Variants in SLC12A3 observed in about 807,000 individuals in gnomAD.
SLC12A3 encodes Na-Cl cotransporter.
SLC12A3 carries 104 observed loss-of-function variants against 121.0 expected under a neutral mutation model. The observed-to-expected ratio is 0.86, with a 90% CI of 0.73 to 1.01. The LOEUF is 1.01. Ranked by LOEUF, SLC12A3 falls within the 50% of genes least tolerant of loss-of-function variation. The probability of loss-of-function intolerance (pLI) is 0.00; values close to 1 mark genes in which losing one functional copy is unlikely to be tolerated. For synonymous variants in SLC12A3, 536 were observed against 533.4 expected, an observed-to-expected ratio of 1.00 and a Z score of -0.07; for missense variants, 1,328 against 1,356.3, an observed-to-expected ratio of 0.98 and a Z score of 0.33.
At position 56,873,374 on chromosome 16, in the gene SLC12A3, C is replaced by CTTTTTTT. The variant is rs59478629; in HGVS notation, c.1095+611_1095+617dup. 1.5e-3 allele frequency among the ~76,000 whole-genome samples: 112 copies of CTTTTTTT among 75,368 alleles called. 3 individuals are homozygous for CTTTTTTT. Among genetic ancestry groups the CTTTTTTT allele is most frequent in the Non-Finnish European group, 1.6e-3 (65 of 41,092 alleles). The allele number at this position is 75,368 out of a possible 152,430, so 49.4% of individuals were successfully genotyped here. On this transcript the variant is annotated intron_variant, in intron 8 of 25. Coordinates refer to ENST00000563236, the MANE Select transcript of SLC12A3 (RefSeq NM_001126108.2). Reference sequence around the variant, plus strand: ...AAGTCTGTTCTGTTTCTCTTTCTTTCTTTTTTTTTTTTTTTTTTTTTTTTT... The same window carrying CTTTTTTT: ...AAGTCTGTTCTGTTTCTCTTTCTTTCTTTTTTTTTTTTTTTTTTTTTTTTTTTTTTTT...
rs144493396 is a variant in SLC12A3, at chr16:56,870,218, G to T, written c.724G>T (p.Val242Leu). The T allele has an allele frequency of 4.2e-5, 68 of 1,613,474 alleles. No individual in the cohort carries two copies. Among genetic ancestry groups the T allele is most frequent in the Middle Eastern group, 1.6e-4 (1 of 6,084 alleles). ...GCACACGGTGGGCTTTGCAGAGACC[G>T]TGCGGGACCTGCTCCAGGTGAGGCC... Reference protein sequence around the residue: ...AMHTVGFAETVRDLLQEYGAP... With the variant: ...AMHTVGFAETLRDLLQEYGAP... The change falls in exon 5 of 26, where the codon GTG becomes TTG. Residue 242 changes from valine (V) to leucine (L), a missense_variant. Val to Leu is a conservative substitution (Grantham distance 32, BLOSUM62 1). Coordinates refer to ENST00000563236, the MANE Select transcript of SLC12A3 (RefSeq NM_001126108.2).
chr16:56,911,385 G>A (rs1219058212), intron 25 of SLC12A3, among the ~76,000 whole-genome samples: 2 of 152,046 alleles, frequency 1.3e-5, no homozygotes, highest in Non-Finnish European at 2.9e-5. Context: ...CAGTGCAGTG[G>A]CGCAATCATG....
At chr16:56,900,918 C>T (rs2055529171) in intron 23 of SLC12A3, among the ~76,000 whole-genome samples, 2 of 152,196 alleles carry the variant, frequency 1.3e-5, no homozygotes, top group South Asian at 2.1e-4. Flanking sequence ...CACAGCCAGA[C>T]TTCAAGATGT....
intron 7 of SLC12A3, 67 bp from the exon 8 acceptor site, chr16:56,872,589 A>T (rs2055112426): frequency 1.2e-6 from 2 of 1,612,104 alleles, no homozygotes; most frequent in Non-Finnish European, 1.7e-6. Flanking sequence ...CTGCCTGCCC[A>T]GTGGGTCCCA....
At chr16:56,911,135 G>A (rs2055678912) in intron 25 of SLC12A3, among the ~76,000 whole-genome samples, 1 of 152,214 alleles carries the variant, frequency 6.6e-6, no homozygotes, top group African/African-American at 2.4e-5. Context: ...CCGAAATCAT[G>A]TCCTATTTCC....
In SLC12A3 at chr16:56,913,612, G is replaced by T. The variant is rs1413880940; in HGVS notation, c.*207G>T. On this transcript the variant is annotated 3_prime_UTR_variant, in exon 26 of 26. Transcript: ENST00000563236. The stretch of plus-strand genomic sequence containing the variant: ...CATTCCCTGGGTCTTGTGTTTATAG[G>T]CTAGAGAAATAGCAGATGGAGCTGC... 1.6e-6 allele frequency: 1 copy of T among 619,546 alleles called. No individual in the cohort carries two copies. Among genetic ancestry groups the T allele is most frequent in the Non-Finnish European group, 2.9e-6 (1 of 344,426 alleles). The allele number at this position is 619,546 out of a possible 1,614,324, so 38.4% of individuals were successfully genotyped here.
chr16:56,879,314 G>T (rs2055205938), intron 10 of SLC12A3, 87 bp downstream of exon 10: 8 of 1,561,816 alleles, frequency 5.1e-6, no homozygotes, highest in Non-Finnish European at 7.0e-6. Context: ...GTTTGTTGGG[G>T]GGACATAGTT....
intron 23 of SLC12A3, 99 bp from the exon 24 acceptor site, chr16:56,902,274 G>A (rs1785235190): frequency 1.4e-6 from 2 of 1,467,794 alleles, no homozygotes; most frequent in Non-Finnish European, 1.9e-6. Context: ...GCCTGAAAAT[G>A]GGAGCTGTGG....
At position 56,879,076 on chromosome 16, in the gene SLC12A3, C is replaced by T; in HGVS notation, c.1184C>T (p.Ser395Phe). 1 of 1,609,076 alleles carries T rather than the reference C, an allele frequency of 6.2e-7. No individual in the cohort carries two copies. Among genetic ancestry groups the T allele is most frequent in the Non-Finnish European group, 8.5e-7 (1 of 1,178,240 alleles). Residue 395 changes from serine to phenylalanine, a missense_variant, in exon 10 of 26, where the codon TCC becomes TTC. Ser to Phe is a radical substitution (Grantham distance 155). Coordinates refer to ENST00000563236, the MANE Select transcript of SLC12A3 (RefSeq NM_001126108.2). ...SYLAISATIG[S>F]CVVRDASGVL... ...ATGCTCTCCTTCCTCCTCTCAGGCT[C>T]CTGCGTGGTGCGTGATGCCTCTGGG...
chr16:56,896,350 G>C (rs973593817), intron 22 of SLC12A3, among the ~76,000 whole-genome samples: 1 of 152,210 alleles, frequency 6.6e-6, no homozygotes, highest in African/African-American at 2.4e-5. Context: ...GCATGGGCTT[G>C]GCAGGCAATG....
chr16:56,872,512 T>G, intron 7 of SLC12A3, 50 bp downstream of exon 7: 1 of 1,588,656 alleles, frequency 6.3e-7, no homozygotes, highest in Non-Finnish European at 8.6e-7. Context: ...AGGGACTCTC[T>G]ACCCAGGAAT....
rs1160795556 is a variant in SLC12A3, at chr16:56,872,305, G to C, written c.853-46G>C. The C allele has an allele frequency of 3.6e-6, 5 of 1,382,766 alleles. No individual in the cohort carries two copies. In the South Asian group the frequency reaches 4.6e-5, roughly 13 times the overall value. The allele number at this position is 1,382,766 out of a possible 1,614,324, so 85.7% of individuals were successfully genotyped here. A position where few individuals can be genotyped will look rare whatever the true frequency, so the allele number is the denominator to read the frequency against. ...ATTTTCTGGCGGGGCTTCCCAGAGA[G>C]GTAGAACAAAACTATCTGACCTCTG... is the stretch of plus-strand genomic sequence containing the variant. On this transcript the variant is annotated intron_variant, in intron 6 of 25. Transcript: ENST00000563236.
Position 56,867,967 on chromosome 16 carries a change from C to T in SLC12A3, c.430-330C>T, listed in dbSNP as rs191661981. On this transcript the variant is annotated intron_variant, in intron 2 of 25. Transcript: ENST00000563236. ...CTGTAAATGCCAGGCTCTGGATCAA[C>T]TGCTGACCACTGGGGCCATGGTCGG... 5.3e-5 allele frequency among the ~76,000 whole-genome samples: 8 copies of T among 152,358 alleles called. No homozygotes were observed. In the East Asian group the frequency reaches 1.2e-3, roughly 22 times the overall value.
Position 56,865,279 on chromosome 16 carries a change from T to C in SLC12A3, c.44T>C (p.Leu15Ser), listed in dbSNP as rs747702542. The change falls in exon 1 of 26, where the codon TTG becomes TCG. Residue 15 changes from leucine to serine, a missense_variant. By Grantham distance (145) the Leu-to-Ser change is moderately radical. Transcript: ENST00000563236. The part of the protein sequence containing the change: ...PTTETPGDAT[L>S]CSGRFTISTL... ...ACAGAGACGCCTGGGGACGCCACTT[T>C]GTGCAGCGGGCGCTTCACCATCAGC... The C allele has an allele frequency of 6.2e-7, 1 of 1,613,920 alleles. No individual in the cohort carries two copies.
At chr16:56,884,004 G>A in intron 13 of SLC12A3, 45 bp from the exon 14 acceptor site, 5 of 1,610,856 alleles carry the variant, frequency 3.1e-6, no homozygotes, top group Non-Finnish European at 4.2e-6. Flanking sequence ...CCTAGAAAGA[G>A]GCTCGACTGC....
chr16:56,883,641 A>G (rs1196694378), intron 13 of SLC12A3, among the ~76,000 whole-genome samples: 1 of 152,120 alleles, frequency 6.6e-6, no homozygotes, highest in Non-Finnish European at 1.5e-5. Flanking sequence ...ATAGATCCCA[A>G]TGTGTATGAT....
intron 23 of SLC12A3, among the ~76,000 whole-genome samples, chr16:56,900,595 A>G (rs1007391007): frequency 1.3e-5 from 2 of 151,864 alleles, no homozygotes; most frequent in Non-Finnish European, 2.9e-5. Context: ...CAGTGGCGCA[A>G]TCCCAGCTCA....
intron 14 of SLC12A3, 69 bp downstream of exon 14, chr16:56,884,273 C>A: frequency 6.5e-7 from 1 of 1,546,240 alleles, no homozygotes; most frequent in East Asian, 2.2e-5. Flanking sequence ...CCCTGCCCTC[C>A]GCCCCAGTTG....
intron 22 of SLC12A3, among the ~76,000 whole-genome samples, chr16:56,898,061 C>G (rs556623710): frequency 1.7e-4 from 26 of 152,202 alleles, no homozygotes; most frequent in Non-Finnish European, 2.9e-4. Flanking sequence ...GTTCCACCCC[C>G]CTGCACCCCG....
Sources: gnomAD v4.1 joint callset for allele counts (sites outside exome capture counted in the v4.1 genomes callset) on GRCh38, gnomAD v4.1.1 for gene constraint, MANE v1.5 for transcripts, NCBI Gene and HGNC (gene_info 2026-07-23, HGNC 2026-07-21) for gene names.